Variants in LPP observed in about 807,000 individuals in gnomAD.
LPP encodes the protein lipoma-preferred partner.
Under a neutral mutation model 60.4 loss-of-function variants are expected in LPP, and 38 were observed. The ratio of observed to expected loss-of-function variants is 0.63; its 90% CI spans 0.49 to 0.83. LPP has a LOEUF of 0.83. Ranked by LOEUF, LPP falls within the 40% of genes least tolerant of loss-of-function variation. The pLI, the probability that LPP is intolerant of heterozygous loss-of-function variation, is 0.00. For synonymous variants in LPP, 328 were observed against 290.8 expected (o/e 1.13, Z -1.30); for missense variants, 902 against 783.6 (o/e 1.15, Z -1.80).
chr3:188,317,362 A>G (rs1755386875), intron 2 of LPP, among the ~76,000 whole-genome samples: 1 of 152,022 alleles, frequency 6.6e-6, no homozygotes, highest in African/African-American at 2.4e-5. Context: ...CCTTGGGCAC[A>G]TAGTGTAATG....
chr3:188,617,049 T>A (rs1015514539), intron 7 of LPP, among the ~76,000 whole-genome samples: 1 of 152,126 alleles, frequency 6.6e-6, no homozygotes, highest in African/African-American at 2.4e-5. Flanking sequence ...ATTTCCTTTA[T>A]GGATAAGCCT....
Position 188,884,395 on chromosome 3 carries a change from T to G in LPP, c.*9916T>G, listed in dbSNP as rs1212521767. ...CAGGGAAATTCAGAGACCAATTGAC[T>G]GCCAGGTGGCAAATCCACATGTGTA... On this transcript the variant is annotated 3_prime_UTR_variant, in exon 12 of 12. Coordinates refer to ENST00000617246, the MANE Select transcript of LPP (RefSeq NM_001375462.1). The G allele has an allele frequency of 4.3e-6, 1 of 230,470 alleles. No homozygotes were observed. The highest frequency in any genetic ancestry group is 8.6e-6 in the Non-Finnish European group (1 of 116,370). The allele number at this position is 230,470 out of a possible 1,614,324, so 14.3% of individuals were successfully genotyped here. A position where few individuals can be genotyped will look rare whatever the true frequency, so the allele number is the denominator to read the frequency against.
chr3:188,763,744 A>C (rs1178169192), intron 9 of LPP, among the ~76,000 whole-genome samples: 1 of 152,096 alleles, frequency 6.6e-6, no homozygotes, highest in African/African-American at 2.4e-5. Flanking sequence ...GCCAGTCAAA[A>C]TGTATTGTGT....
intron 9 of LPP, among the ~76,000 whole-genome samples, chr3:188,856,441 G>A (rs1170839417): frequency 1.3e-5 from 2 of 152,174 alleles, no homozygotes; most frequent in African/African-American, 4.8e-5. Flanking sequence ...TGGCTCAGTT[G>A]ATTAGTCAGA....
At chr3:188,382,872 A>T (rs1013165181) in intron 3 of LPP, among the ~76,000 whole-genome samples, 4 of 151,814 alleles carry the variant, frequency 2.6e-5, no homozygotes, top group African/African-American at 4.8e-5. Flanking sequence ...GTAACCTGTG[A>T]CCTCCTCCCA....
rs67832532 is a variant in LPP, at chr3:188,438,354, TACACACACACACAC to T, written c.193+32075_193+32088del. Among the ~76,000 whole-genome samples the T allele has an allele frequency of 9.7e-3, 1,333 of 138,086 alleles. 31 individuals are homozygous for T. The highest frequency in any genetic ancestry group is 0.034 in the African/African-American group (1,257 of 36,726). The allele number at this position is 138,086 out of a possible 152,430, so 90.6% of individuals were successfully genotyped here. On this transcript the variant is annotated intron_variant, in intron 4 of 11. Coordinates refer to ENST00000617246, the MANE Select transcript of LPP (RefSeq NM_001375462.1). ...GTGTTCCAGACACTATTCCATGCAT[TACACACACACACAC>T]ACACACACACACACACACACACACA...
rs574952037 is a variant in LPP, at chr3:188,221,028, C to T, written c.-189-4377C>T. 2.0e-5 allele frequency among the ~76,000 whole-genome samples: 3 copies of T among 152,286 alleles called. No individual in the cohort carries two copies. The South Asian group carries it at 6.2e-4, about 32-fold the overall frequency. On this transcript the variant is annotated intron_variant, in intron 1 of 11. Transcript: ENST00000617246. ...ACTTCCCGAAACGCAACACCTATGG[C>T]TTAAGATCCAAGTGCTTTAGAACAT...
At chr3:188,619,970 A>C (rs1323181648) in intron 7 of LPP, among the ~76,000 whole-genome samples, 1 of 152,134 alleles carries the variant, frequency 6.6e-6, no homozygotes, top group African/African-American at 2.4e-5. Context: ...TCTGTCTCTA[A>C]TATTAACTTC....
intron 4 of LPP, among the ~76,000 whole-genome samples, chr3:188,425,456 C>T (rs966693614): frequency 1.3e-5 from 2 of 152,128 alleles, no homozygotes; most frequent in African/African-American, 4.8e-5. Context: ...ATGATGCTGG[C>T]CTCATAAAAT....
chr3:188,468,445 G>C (rs1800993600), intron 4 of LPP, among the ~76,000 whole-genome samples: 1 of 152,166 alleles, frequency 6.6e-6, no homozygotes, highest in African/African-American at 2.4e-5. Context: ...AACAGGAGGT[G>C]GTCTGGATTT....
At chr3:188,491,663 G>A (rs979300910) in intron 5 of LPP, among the ~76,000 whole-genome samples, 1 of 152,162 alleles carries the variant, frequency 6.6e-6, no homozygotes, top group Non-Finnish European at 1.5e-5. Flanking sequence ...TATTAAGGCT[G>A]GGTAGGCTCT....
chr3:188,259,200 A>C (rs566183320), intron 2 of LPP, among the ~76,000 whole-genome samples: 2 of 152,352 alleles, frequency 1.3e-5, no homozygotes, highest in South Asian at 2.1e-4. Flanking sequence ...TTACTATTGC[A>C]TATAAAAGAA....
At chr3:188,281,245 G>A (rs894431537) in intron 2 of LPP, among the ~76,000 whole-genome samples, 1 of 152,142 alleles carries the variant, frequency 6.6e-6, no homozygotes, top group South Asian at 2.1e-4. Flanking sequence ...GGATAAGTCC[G>A]TAAACAAATA....
chr3:188,632,624 T>C (rs1397623826), intron 7 of LPP, among the ~76,000 whole-genome samples: 1 of 152,224 alleles, frequency 6.6e-6, no homozygotes, highest in Non-Finnish European at 1.5e-5. Context: ...ACATTTCTGT[T>C]CTGGAACCCC....
At chr3:188,762,622 G>C (rs1732756920) in intron 9 of LPP, among the ~76,000 whole-genome samples, 1 of 152,116 alleles carries the variant, frequency 6.6e-6, no homozygotes, top group Admixed American at 6.6e-5. Context: ...CATAGTATGG[G>C]TCTCTGTGAT....
At chr3:188,224,862 C>T (rs1362259205) in intron 1 of LPP, among the ~76,000 whole-genome samples, 1 of 152,128 alleles carries the variant, frequency 6.6e-6, no homozygotes, top group Admixed American at 6.5e-5. Context: ...CTGCAGGCCC[C>T]ACCTCCAACA....
intron 9 of LPP, among the ~76,000 whole-genome samples, chr3:188,814,246 G>T (rs541652233): frequency 1.3e-5 from 2 of 152,096 alleles, no homozygotes; most frequent in Non-Finnish European, 2.9e-5. Flanking sequence ...AGACAAGAAG[G>T]TTGCCCTAAA....
intron 7 of LPP, among the ~76,000 whole-genome samples, chr3:188,707,643 C>T (rs1010452890): frequency 1.8e-4 from 28 of 152,180 alleles, no homozygotes; most frequent in Non-Finnish European, 4.0e-4. Flanking sequence ...CTCCTGTACT[C>T]GATAAGATTT....
chr3:188,515,814 G>A (rs919081541), intron 5 of LPP, among the ~76,000 whole-genome samples: 3 of 152,130 alleles, frequency 2.0e-5, no homozygotes, highest in African/African-American at 7.2e-5. Context: ...TTTTAGGGAA[G>A]GGGACTGTTT....
Sources: gnomAD v4.1 joint callset for allele counts (sites outside exome capture counted in the v4.1 genomes callset) on GRCh38, gnomAD v4.1.1 for gene constraint, MANE v1.5 for transcripts, NCBI Gene and HGNC (gene_info 2026-07-23, HGNC 2026-07-21) for gene names.